Variants in HEMK2 observed in about 807,000 individuals in gnomAD.
HEMK2 encodes the protein methyltransferase HEMK2.
chr21:28,676,123 G>C, the HEMK2 span, among the ~76,000 whole-genome samples: 5 of 152,186 alleles, frequency 3.3e-5, no homozygotes, highest in Non-Finnish European at 5.9e-5. Context: ...CTGGTGTATG[G>C]TTTTTAGGGC....
the HEMK2 span, among the ~76,000 whole-genome samples, chr21:28,621,794 G>A: frequency 1.7e-3 from 257 of 152,336 alleles, 1 homozygote; most frequent in African/African-American, 6.0e-3. Context: ...CATCAGTTAA[G>A]GCTGTTTTCA....
chr21:28,823,693 A>T, the HEMK2 span, among the ~76,000 whole-genome samples: 1 of 152,178 alleles, frequency 6.6e-6, no homozygotes, highest in African/African-American at 2.4e-5. Context: ...AGACACAGAT[A>T]AGTTAAAAAG....
At chr21:28,836,462 C>A in the HEMK2 span, among the ~76,000 whole-genome samples, 3 of 151,846 alleles carry the variant, frequency 2.0e-5, no homozygotes, top group Admixed American at 2.0e-4. Flanking sequence ...ACCAAGCCAC[C>A]ACTACAAGAA....
At chr21:28,624,519 G>T in the HEMK2 span, among the ~76,000 whole-genome samples, 2 of 152,308 alleles carry the variant, frequency 1.3e-5, no homozygotes, top group South Asian at 4.1e-4. Context: ...GTCAGAAGAG[G>T]GTGGCAGCAG....
chr21:28,629,051 G>C, the HEMK2 span, among the ~76,000 whole-genome samples: 1 of 152,272 alleles, frequency 6.6e-6, no homozygotes, highest in Admixed American at 6.5e-5. Flanking sequence ...GAAGGCTTGG[G>C]ATCTACATTT....
the HEMK2 span, among the ~76,000 whole-genome samples, chr21:28,682,479 T>C: frequency 6.6e-6 from 1 of 151,454 alleles, no homozygotes; most frequent in Non-Finnish European, 1.5e-5. Context: ...TCAACCATTG[T>C]GGAAGTCGGT....
the HEMK2 span, among the ~76,000 whole-genome samples, chr21:28,621,455 T>C: frequency 1.3e-5 from 2 of 152,326 alleles, no homozygotes; most frequent in East Asian, 3.9e-4. Flanking sequence ...AGGACAGTTA[T>C]CTCGTCTTGT....
At chr21:28,661,711 G>T in the HEMK2 span, among the ~76,000 whole-genome samples, 1 of 152,040 alleles carries the variant, frequency 6.6e-6, no homozygotes, top group African/African-American at 2.4e-5. Context: ...CTCTCTGATG[G>T]AACTTTACGT....
At chr21:28,716,856 G>A in the HEMK2 span, among the ~76,000 whole-genome samples, 1 of 152,102 alleles carries the variant, frequency 6.6e-6, no homozygotes, top group South Asian at 2.1e-4. Flanking sequence ...TGTGTCTATT[G>A]AAATAATCAT....
chr21:28,582,396 C>T, the HEMK2 span, among the ~76,000 whole-genome samples: 2 of 152,250 alleles, frequency 1.3e-5, no homozygotes, highest in Admixed American at 1.3e-4. Flanking sequence ...CATGTTGTCA[C>T]TTGGAATTGA....
chr21:28,732,171 C>T, the HEMK2 span, among the ~76,000 whole-genome samples: 1 of 152,302 alleles, frequency 6.6e-6, no homozygotes, highest in African/African-American at 2.4e-5. Flanking sequence ...TATTTCTAGC[C>T]CTACATGCTG....
At chr21:28,677,353 G>C in the HEMK2 span, among the ~76,000 whole-genome samples, 1 of 152,204 alleles carries the variant, frequency 6.6e-6, no homozygotes, top group Non-Finnish European at 1.5e-5. Flanking sequence ...CTGGGGGACG[G>C]GTGTCCACCA....
chr21:28,676,632 G>C, the HEMK2 span, among the ~76,000 whole-genome samples: 1 of 152,168 alleles, frequency 6.6e-6, no homozygotes, highest in Non-Finnish European at 1.5e-5. Context: ...AGAAGTTCGC[G>C]CCTTTGCAGC....
the HEMK2 span, among the ~76,000 whole-genome samples, chr21:28,831,566 G>GGAAAGAAA: frequency 1.5e-5 from 1 of 65,796 alleles, no homozygotes; most frequent in Admixed American, 1.7e-4. Context: ...AAGGAAAGAA[G>GGAAAGAAA]GAAAGAAAGA....
At chr21:28,680,566 C>T in the HEMK2 span, among the ~76,000 whole-genome samples, 1 of 152,132 alleles carries the variant, frequency 6.6e-6, no homozygotes, top group Non-Finnish European at 1.5e-5. Context: ...CCAGCATCAT[C>T]CTGATACCAA....
the HEMK2 span, among the ~76,000 whole-genome samples, chr21:28,712,760 A>G: frequency 1.3e-5 from 2 of 152,234 alleles, no homozygotes; most frequent in African/African-American, 4.8e-5. Context: ...TTGATACATT[A>G]CAATTGTTTA....
chr21:28,708,616 T>A, the HEMK2 span, among the ~76,000 whole-genome samples: 1 of 152,198 alleles, frequency 6.6e-6, no homozygotes, highest in African/African-American at 2.4e-5. Context: ...AGTATTATGG[T>A]GTGGTTTGAA....
chr21:28,724,707 G>GCATTTGCTTTTGCCTTTGCA, the HEMK2 span, among the ~76,000 whole-genome samples: 1,161 of 152,336 alleles, frequency 7.6e-3, 14 homozygotes, highest in African/African-American at 0.026. Context: ...TCTGACTTTA[G>GCATTTGCTTTTGCCTTTGCA]TATGCCTCTG....
At chr21:28,604,820 C>A in the HEMK2 span, among the ~76,000 whole-genome samples, 2 of 152,322 alleles carry the variant, frequency 1.3e-5, no homozygotes, top group Non-Finnish European at 2.9e-5. Context: ...ACTAAAATGT[C>A]TTTGCCCACT....
Sources: gnomAD v4.1 joint callset for allele counts (sites outside exome capture counted in the v4.1 genomes callset) on GRCh38, gnomAD v4.1.1 for gene constraint, MANE v1.5 for transcripts, NCBI Gene and HGNC (gene_info 2026-07-23, HGNC 2026-07-21) for gene names.